The following TENM4 variants were observed in gnomAD, a reference collection of about 807,000 sequenced individuals.
The protein encoded by TENM4 is teneurin transmembrane protein 4.
TENM4 carries 82 observed loss-of-function variants against 243.3 expected under a neutral mutation model. The observed-to-expected ratio is 0.34, with a 90% CI of 0.28 to 0.40. The LOEUF (loss-of-function observed/expected upper bound fraction) is 0.40. Ranked by LOEUF, TENM4 falls within the 10% of genes least tolerant of loss-of-function variation. The pLI, the probability that TENM4 is intolerant of heterozygous loss-of-function variation, is 1.00. For synonymous variants in TENM4, 1,412 were observed against 1,456.3 expected (o/e 0.97, Z 0.69); for missense variants, 3,138 against 3,673.3 (o/e 0.85, Z 3.77).
At position 79,020,521 on chromosome 11, in the gene TENM4, C is replaced by T. The variant is rs374757625; in HGVS notation, c.493+44217G>A. On this transcript the variant is annotated intron_variant, in intron 6 of 33. Transcript: ENST00000278550. Reference sequence around the variant, plus strand: ...CCCAACAAACTGATTAAATATCAGCCAAGCATGAACAATAGCTTGCAGCTC... The same window carrying T: ...CCCAACAAACTGATTAAATATCAGCTAAGCATGAACAATAGCTTGCAGCTC... Among the ~76,000 whole-genome samples the T allele has an allele frequency of 3.8e-4, 58 of 152,264 alleles. 1 individual carries two copies. The Middle Eastern group carries it at 0.01, about 27-fold the overall frequency.
At chr11:79,231,456 G>A (rs1282213225) in intron 2 of TENM4, among the ~76,000 whole-genome samples, 1 of 151,974 alleles carries the variant, frequency 6.6e-6, no homozygotes, top group Non-Finnish European at 1.5e-5. Flanking sequence ...AGTCATTGAA[G>A]AGTATTTACT....
At chr11:78,738,306 G>T in intron 20 of TENM4, 145 bp downstream of exon 20, 1 of 1,092,198 alleles carries the variant, frequency 9.2e-7, no homozygotes, top group Non-Finnish European at 1.3e-6. Flanking sequence ...CATACAATTA[G>T]TAAGTTGCAG....
rs920513094 is a variant in TENM4 at position 79,438,914 on chromosome 11, G to C, written c.-321+1595C>G. ...CGCACAAGTGGGCGCCGTGGTGCGAGGCGTATCCTAGCTACCCAGGCCGGG... is the reference window on the plus strand; with the variant it reads ...CGCACAAGTGGGCGCCGTGGTGCGACGCGTATCCTAGCTACCCAGGCCGGG... On this transcript the variant is annotated intron_variant, in intron 1 of 33. Coordinates refer to ENST00000278550, the MANE Select transcript of TENM4 (RefSeq NM_001098816.3). The surrounding 1 kb of genome is among the most constrained non-coding windows in gnomAD (Gnocchi z 4.1). 6.6e-6 allele frequency: 1 copy of C among 152,148 alleles called. No individual in the cohort carries two copies. Among genetic ancestry groups the C allele is most frequent in the African/African-American group, 2.4e-5 (1 of 41,420 alleles). The allele number at this position is 152,148 out of a possible 1,614,324, so 9.4% of individuals were successfully genotyped here.
At chr11:78,997,622 A>C (rs1448428004) in intron 6 of TENM4, among the ~76,000 whole-genome samples, 2 of 152,198 alleles carry the variant, frequency 1.3e-5, no homozygotes, top group South Asian at 2.1e-4. Flanking sequence ...GAGCTTCAGC[A>C]TCCACAGCTG....
At chr11:78,659,266 C>T (rs1268931371) in intron 33 of TENM4, among the ~76,000 whole-genome samples, 1 of 152,218 alleles carries the variant, frequency 6.6e-6, no homozygotes, top group Non-Finnish European at 1.5e-5. Context: ...CTCATTATCT[C>T]AGTGATCTTC....
chr11:79,312,142 T>C (rs1856732427), intron 1 of TENM4, among the ~76,000 whole-genome samples: 1 of 152,204 alleles, frequency 6.6e-6, no homozygotes, highest in Admixed American at 6.5e-5. Flanking sequence ...CTCTCCCATC[T>C]ACAGCTCCCC....
chr11:79,069,018 A>T (rs1375189438), intron 5 of TENM4, among the ~76,000 whole-genome samples: 1 of 152,164 alleles, frequency 6.6e-6, no homozygotes, highest in African/African-American at 2.4e-5. Context: ...GTTGTGGTTA[A>T]TCCTCCAAGA....
chr11:78,852,180 G>A (rs936269184), intron 12 of TENM4, among the ~76,000 whole-genome samples: 1 of 152,182 alleles, frequency 6.6e-6, no homozygotes, highest in Non-Finnish European at 1.5e-5. Context: ...AACAAGGACT[G>A]TACAAAGTGA....
At chr11:78,697,203 C>CA (rs1358366957) in intron 28 of TENM4, among the ~76,000 whole-genome samples, 1 of 152,222 alleles carries the variant, frequency 6.6e-6, no homozygotes, top group Non-Finnish European at 1.5e-5. Context: ...TTCAGACTCT[C>CA]TTGCCAGTAC....
intron 15 of TENM4, among the ~76,000 whole-genome samples, chr11:78,801,220 C>A (rs1281084224): frequency 1.3e-5 from 2 of 152,118 alleles, no homozygotes; most frequent in South Asian, 4.1e-4. Flanking sequence ...GCCAGTCATT[C>A]CCCGCTTCCA....
In TENM4 at chr11:78,903,487, C is replaced by G. The variant is rs920753338; in HGVS notation, c.530G>C (p.Arg177Pro). The part of the protein sequence containing the change: ...PGGLQNHARL[R>P]TPPPPLSHAH... ...GTGCGAGAGCGGCGGCGGCGGCGTC[C>G]GGAGCCGCGCGTGGTTCTGCAGGCC... Residue 177 changes from arginine to proline, a missense_variant, in exon 7 of 34, where the codon CGG (arginine) becomes CCG (proline). Transcript: ENST00000278550. 4.5e-5 allele frequency: 69 copies of G among 1,547,114 alleles called. No individual in the cohort carries two copies. Among genetic ancestry groups the G allele is most frequent in the Non-Finnish European group, 5.8e-5 (66 of 1,146,144 alleles).
chr11:79,350,165 G>T (rs1182313581), intron 1 of TENM4, among the ~76,000 whole-genome samples: 1 of 152,178 alleles, frequency 6.6e-6, no homozygotes, highest in Non-Finnish European at 1.5e-5. Context: ...CAAGTCTTCA[G>T]AATGGGGCTT....
chr11:79,274,368 A>G (rs150481712), intron 2 of TENM4, among the ~76,000 whole-genome samples: 75 of 152,352 alleles, frequency 4.9e-4, no homozygotes, highest in African/African-American at 1.7e-3. Flanking sequence ...ATAAATTAAG[A>G]TACAGGAATT....
At chr11:78,760,348 G>C (rs1591001446) in intron 18 of TENM4, among the ~76,000 whole-genome samples, 1 of 152,208 alleles carries the variant, frequency 6.6e-6, no homozygotes, top group Non-Finnish European at 1.5e-5. Flanking sequence ...CCTGGATTTG[G>C]ACCCCAGTTC....
intron 2 of TENM4, among the ~76,000 whole-genome samples, chr11:79,251,450 C>G (rs1447693095): frequency 6.6e-6 from 1 of 152,236 alleles, no homozygotes; most frequent in Non-Finnish European, 1.5e-5. Flanking sequence ...AATGTAAAAA[C>G]TGTCCTAGGA....
intron 3 of TENM4, among the ~76,000 whole-genome samples, chr11:79,177,597 T>A (rs1863190129): frequency 6.6e-6 from 1 of 152,082 alleles, no homozygotes; most frequent in South Asian, 2.1e-4. Context: ...ATCAATATTA[T>A]GGAGGAAAGT....
chr11:79,120,882 C>T (rs1367848584), intron 4 of TENM4, among the ~76,000 whole-genome samples: 1 of 152,144 alleles, frequency 6.6e-6, no homozygotes, highest in Admixed American at 6.5e-5. Flanking sequence ...CTTGTTAACC[C>T]CCACAGCAAA....
At chr11:79,427,483 G>T (rs1025787025) in intron 1 of TENM4, among the ~76,000 whole-genome samples, 1 of 152,196 alleles carries the variant, frequency 6.6e-6, no homozygotes, top group Non-Finnish European at 1.5e-5. Context: ...ATAGATTAAG[G>T]TTGCAAAACA....
chr11:79,209,091 G>T (rs568435998), intron 3 of TENM4, among the ~76,000 whole-genome samples: 1 of 152,322 alleles, frequency 6.6e-6, no homozygotes, highest in East Asian at 1.9e-4. Flanking sequence ...ATCCACCAAG[G>T]ATAATGACAC....
Sources: allele counts gnomAD v4.1 joint callset (sites outside exome capture counted in the v4.1 genomes callset), GRCh38; gene constraint gnomAD v4.1.1; non-coding constraint Gnocchi (gnomAD v3.1); transcripts MANE v1.5; gene names NCBI Gene and HGNC (gene_info 2026-07-23, HGNC 2026-07-21).